COPG2: variants seen among roughly 807,000 people sequenced by gnomAD.
COPG2 encodes coat protein complex I subunit gamma 2.
A neutral mutation model predicts 46.3 loss-of-function variants in COPG2; 37 were observed. The ratio of observed to expected loss-of-function variants is 0.80; its 90% CI spans 0.61 to 1.05. The LOEUF (loss-of-function observed/expected upper bound fraction) is 1.05. Ranked by LOEUF, COPG2 falls within the 50% of genes least tolerant of loss-of-function variation. The pLI is 0.00. For synonymous variants in COPG2, 159 were observed against 129.7 expected, an observed-to-expected ratio of 1.23 and a Z score of -1.53; for missense variants, 427 against 387.8, an observed-to-expected ratio of 1.10 and a Z score of -0.85.
At chr7:130,538,861 C>T (rs1799909543) in intron 20 of COPG2, among the ~76,000 whole-genome samples, 1 of 152,118 alleles carries the variant, frequency 6.6e-6, no homozygotes, top group South Asian at 2.1e-4. Flanking sequence ...ATATGCACTA[C>T]ACCACACTTC....
intron 4 of COPG2, among the ~76,000 whole-genome samples, chr7:130,657,729 TAAC>T (rs1295057521): frequency 6.6e-6 from 1 of 152,082 alleles, no homozygotes; most frequent in East Asian, 1.9e-4. Context: ...CAAAAGATAT[TAAC>T]AAATCCTTCA....
At chr7:130,549,056 A>AG (rs1793492711) in intron 18 of COPG2, among the ~76,000 whole-genome samples, 1 of 151,398 alleles carries the variant, frequency 6.6e-6, no homozygotes, top group Non-Finnish European at 1.5e-5. Context: ...AAAAAAAAAA[A>AG]AAGAAAGTAA....
At chr7:130,537,325 C>T (rs970165445) in intron 20 of COPG2, among the ~76,000 whole-genome samples, 2 of 149,482 alleles carry the variant, frequency 1.3e-5, no homozygotes, top group African/African-American at 5.0e-5. Flanking sequence ...GACAGCAGAG[C>T]GTGTGGATTC....
At chr7:130,615,457 A>G (rs1378393849) in intron 6 of COPG2, among the ~76,000 whole-genome samples, 4 of 152,180 alleles carry the variant, frequency 2.6e-5, no homozygotes, top group Non-Finnish European at 5.9e-5. Context: ...TATAGATGCT[A>G]AAGGGGAAGT....
intron 4 of COPG2, among the ~76,000 whole-genome samples, chr7:130,660,854 TG>T (rs1435583199): frequency 1.3e-5 from 2 of 152,198 alleles, no homozygotes; most frequent in African/African-American, 4.8e-5. Context: ...TACAATCCAC[TG>T]GTTCTACCAA....
At chr7:130,563,199 AAATG>A in intron 11 of COPG2, 66 bp downstream of exon 11, 1 of 396,674 alleles carries the variant, frequency 2.5e-6, no homozygotes. Flanking sequence ...AGAGAAAACC[AAATG>A]CTTCACATTT....
At chr7:130,535,449 A>C (rs1453665828) in intron 20 of COPG2, among the ~76,000 whole-genome samples, 1 of 151,952 alleles carries the variant, frequency 6.6e-6, no homozygotes, top group Admixed American at 6.6e-5. Flanking sequence ...GGGAGGTCCC[A>C]GAGTAGGAAC....
intron 4 of COPG2, among the ~76,000 whole-genome samples, chr7:130,661,718 C>T (rs1584618986): frequency 6.6e-6 from 1 of 152,042 alleles, no homozygotes; most frequent in Admixed American, 6.6e-5. Context: ...CTAGTGGATG[C>T]CATAGAAGAT....
chr7:130,626,684 C>T (rs1161952259), intron 5 of COPG2, among the ~76,000 whole-genome samples: 1 of 152,156 alleles, frequency 6.6e-6, no homozygotes, highest in Non-Finnish European at 1.5e-5. Flanking sequence ...CTTTCTTTAA[C>T]TCTTACACTT....
intron 20 of COPG2, chr7:130,511,461 G>A (rs1554441003): frequency 3.8e-6 from 2 of 519,956 alleles, no homozygotes; most frequent in Admixed American, 3.9e-5. Context: ...CTGGAAAATC[G>A]TGTTGAGTCT....
intron 3 of COPG2, among the ~76,000 whole-genome samples, chr7:130,665,118 T>G (rs1265966021): frequency 6.6e-6 from 1 of 151,802 alleles, no homozygotes; most frequent in Non-Finnish European, 1.5e-5. Context: ...GAGGTGGAGG[T>G]TGTAGTGAGC....
At chr7:130,654,031 A>C (rs1216316371) in intron 4 of COPG2, among the ~76,000 whole-genome samples, 1 of 152,176 alleles carries the variant, frequency 6.6e-6, no homozygotes, top group Non-Finnish European at 1.5e-5. Flanking sequence ...TCATTAAAAC[A>C]CAAAAAATGG....
chr7:130,661,713 G>T (rs10224971), intron 4 of COPG2, among the ~76,000 whole-genome samples: 120,900 of 152,060 alleles, frequency 0.8, 48,353 homozygotes, highest in Non-Finnish European at 0.85. Flanking sequence ...ACTAACTAGT[G>T]GATGCCATAG....
At chr7:130,615,090 T>C (rs533812712) in intron 6 of COPG2, among the ~76,000 whole-genome samples, 32 of 152,328 alleles carry the variant, frequency 2.1e-4, no homozygotes, top group Admixed American at 1.8e-3. Context: ...TGGCTCCAAG[T>C]TGGTGTAGCA....
At chr7:130,665,464 T>C (rs985658526) in intron 3 of COPG2, among the ~76,000 whole-genome samples, 3 of 152,046 alleles carry the variant, frequency 2.0e-5, no homozygotes, top group Admixed American at 6.6e-5. Context: ...CAGGCTCAGA[T>C]TGAAAATATT....
chr7:130,578,819 G>A (rs1438656877), intron 9 of COPG2, among the ~76,000 whole-genome samples: 60 of 149,194 alleles, frequency 4.0e-4, no homozygotes, highest in African/African-American at 1.4e-3. Flanking sequence ...AAAGAAATGA[G>A]CAAAGCCTCC....
chr7:130,534,902 A>G (rs1027459383), intron 20 of COPG2, among the ~76,000 whole-genome samples: 103,075 of 151,904 alleles, frequency 0.68, 35,739 homozygotes, highest in East Asian at 0.88. Flanking sequence ...GGGACTGGCT[A>G]TAGAGTTTTG....
At chr7:130,656,443 T>C (rs1313129359) in intron 4 of COPG2, among the ~76,000 whole-genome samples, 1 of 152,144 alleles carries the variant, frequency 6.6e-6, no homozygotes, top group East Asian at 1.9e-4. Context: ...TGAAGAGCTT[T>C]ATGCCAAGTT....
intron 5 of COPG2, chr7:130,645,151 A>G: frequency 1.9e-6 from 1 of 538,984 alleles, no homozygotes; most frequent in Admixed American, 2.4e-5. Flanking sequence ...TAGTGTTCAC[A>G]GTAAGAAAAT....
Sources: allele counts gnomAD v4.1 joint callset (sites outside exome capture counted in the v4.1 genomes callset), GRCh38; gene constraint gnomAD v4.1.1; transcripts MANE v1.5; gene names NCBI Gene and HGNC (gene_info 2026-07-23, HGNC 2026-07-21).